The following CNTNAP5 variants were observed in gnomAD, a reference collection of about 807,000 sequenced individuals.
CNTNAP5 encodes contactin-associated protein-like 5.
A neutral mutation model predicts 150.2 loss-of-function variants in CNTNAP5; 72 were observed. The ratio of observed to expected loss-of-function variants is 0.48; its 90% CI spans 0.40 to 0.58. The LOEUF (loss-of-function observed/expected upper bound fraction) is 0.58, where lower values mean the gene tolerates loss of function less well. CNTNAP5 is among the 20% of genes least tolerant of loss of function. The probability of loss-of-function intolerance (pLI) is 0.00; values close to 1 mark genes in which losing one functional copy is unlikely to be tolerated. For synonymous variants in CNTNAP5, 672 were observed against 619.8 expected, an observed-to-expected ratio of 1.08 and a Z score of -1.25; for missense variants, 1,636 against 1,626.2, an observed-to-expected ratio of 1.01 and a Z score of -0.10.
intron 19 of CNTNAP5, among the ~76,000 whole-genome samples, chr2:124,830,159 C>T (rs555668269): frequency 6.6e-6 from 1 of 151,598 alleles, no homozygotes; most frequent in Admixed American, 6.6e-5. Flanking sequence ...ATATTTTAAT[C>T]AAAAAGACTT....
At chr2:124,642,189 C>A (rs566553972) in intron 12 of CNTNAP5, among the ~76,000 whole-genome samples, 8 of 152,260 alleles carry the variant, frequency 5.3e-5, no homozygotes, top group African/African-American at 1.9e-4. Context: ...GAAGATTTTA[C>A]CACACTGATG....
At chr2:124,594,775 A>G (rs1338860171) in intron 11 of CNTNAP5, among the ~76,000 whole-genome samples, 2 of 125,732 alleles carry the variant, frequency 1.6e-5, no homozygotes, top group East Asian at 6.6e-4. Context: ...ATGAGCATGG[A>G]ATGTTCTTCC....
At chr2:124,554,364 G>GT (rs1280429413) in intron 10 of CNTNAP5, among the ~76,000 whole-genome samples, 2 of 150,382 alleles carry the variant, frequency 1.3e-5, no homozygotes, top group Admixed American at 6.6e-5. Flanking sequence ...TCTTTCTTAG[G>GT]TTTTTTACTA....
At position 124,789,897 on chromosome 2, in the gene CNTNAP5, CT is replaced by C. The variant is rs1558776701; in HGVS notation, c.2753-3del. 4 of 1,612,994 alleles carry C rather than the reference CT, an allele frequency of 2.5e-6. No homozygotes were observed. The East Asian group carries it at 8.9e-5, about 36-fold the overall frequency. ...ACATTTGTTTCCTTTTATTTAACCTCTTAGGGGGAACGTCATCCAGACAGAA... is the reference window on the plus strand; with the variant it reads ...ACATTTGTTTCCTTTTATTTAACCTCTAGGGGGAACGTCATCCAGACAGAA... On this transcript the variant is annotated splice_polypyrimidine_tract_variant and splice_region_variant and intron_variant, in intron 17 of 23. Coordinates refer to ENST00000682447, the MANE Select transcript of CNTNAP5 (RefSeq NM_001367498.1).
chr2:124,215,709 A>G (rs1202780580), intron 1 of CNTNAP5, among the ~76,000 whole-genome samples: 7 of 135,012 alleles, frequency 5.2e-5, no homozygotes, highest in Non-Finnish European at 1.6e-5. Flanking sequence ...AATAGAAGAA[A>G]GGCAAAAAAA....
intron 12 of CNTNAP5, among the ~76,000 whole-genome samples, chr2:124,617,578 C>A (rs1224968586): frequency 1.3e-5 from 2 of 152,112 alleles, no homozygotes; most frequent in African/African-American, 4.8e-5. Flanking sequence ...ACCCTTCATA[C>A]TGGATTAAGC....
At chr2:124,594,706 G>C (rs1197805662) in intron 11 of CNTNAP5, among the ~76,000 whole-genome samples, 5 of 137,830 alleles carry the variant, frequency 3.6e-5, no homozygotes, top group African/African-American at 1.3e-4. Flanking sequence ...CAATGGCATT[G>C]AATCTGTAAA....
At position 124,577,193 on chromosome 2, in the gene CNTNAP5, C is replaced by T. The variant is rs575278347; in HGVS notation, c.1756+13870C>T. Among the ~76,000 whole-genome samples the T allele has an allele frequency of 2.8e-4, 43 of 152,276 alleles. 1 individual carries two copies. Among genetic ancestry groups the T allele is most frequent in the African/African-American group, 8.9e-4 (37 of 41,550 alleles). On this transcript the variant is annotated intron_variant, in intron 11 of 23. Coordinates refer to ENST00000682447, the MANE Select transcript of CNTNAP5 (RefSeq NM_001367498.1). Reference sequence around the variant, plus strand: ...CATTTTTTCCGCAGCACTATCATCACGTCTCAGTCGCTTGACATGAAGTAC... The same window carrying T: ...CATTTTTTCCGCAGCACTATCATCATGTCTCAGTCGCTTGACATGAAGTAC...
intron 20 of CNTNAP5, among the ~76,000 whole-genome samples, chr2:124,868,694 AG>A (rs1361285358): frequency 1.3e-5 from 2 of 152,052 alleles, no homozygotes; most frequent in African/African-American, 4.8e-5. Flanking sequence ...AGAACAGAGG[AG>A]GGTCGTTCTG....
intron 10 of CNTNAP5, among the ~76,000 whole-genome samples, chr2:124,554,706 G>A (rs1695711584): frequency 6.6e-6 from 1 of 152,130 alleles, no homozygotes; most frequent in Non-Finnish European, 1.5e-5. Context: ...ACAAGGGTGA[G>A]CCACTGAGCT....
intron 1 of CNTNAP5, among the ~76,000 whole-genome samples, chr2:124,030,793 C>T (rs1681027507): frequency 6.6e-6 from 1 of 152,122 alleles, no homozygotes; most frequent in Admixed American, 6.5e-5. Context: ...AGGGAAAGGA[C>T]ATAGCCTTGA....
chr2:124,628,149 A>T (rs1042656517), intron 12 of CNTNAP5, among the ~76,000 whole-genome samples: 1 of 152,236 alleles, frequency 6.6e-6, no homozygotes, highest in African/African-American at 2.4e-5. Context: ...ACTTCAGTGT[A>T]TCATCCGGGA....
At chr2:124,790,965 C>T (rs183918835) in intron 18 of CNTNAP5, among the ~76,000 whole-genome samples, 3 of 152,000 alleles carry the variant, frequency 2.0e-5, no homozygotes, top group South Asian at 2.1e-4. Flanking sequence ...ATTTTAAAGA[C>T]GGAAAAAGTT....
At position 124,453,735 on chromosome 2, in the gene CNTNAP5, C is replaced by T. The variant is rs539568887; in HGVS notation, c.918+6798C>T. 2.5e-3 allele frequency among the ~76,000 whole-genome samples: 376 copies of T among 152,272 alleles called. 1 individual carries two copies. Among genetic ancestry groups the T allele is most frequent in the Non-Finnish European group, 4.2e-3 (283 of 68,006 alleles). ...GGGATTGGGGCCTTATCTTCAACTT[C>T]CACAAACAAAACAATTATCAGCCAA... On this transcript the variant is annotated intron_variant, in intron 6 of 23. Transcript: ENST00000682447.
At chr2:124,796,898 A>G in intron 18 of CNTNAP5, among the ~76,000 whole-genome samples, 1 of 152,228 alleles carries the variant, frequency 6.6e-6, no homozygotes, top group Non-Finnish European at 1.5e-5. Context: ...CTGTTACTGT[A>G]TAGAGATAAA....
At position 124,359,144 on chromosome 2, in the gene CNTNAP5, G is replaced by T. The variant is rs945474671; in HGVS notation, c.382-58299G>T. Among the ~76,000 whole-genome samples, 8 of 152,048 alleles carry T rather than the reference G, an allele frequency of 5.3e-5. No homozygotes were observed. In the East Asian group the frequency reaches 5.8e-4, roughly 11 times the overall value. On this transcript the variant is annotated intron_variant, in intron 3 of 23. Coordinates refer to ENST00000682447, the MANE Select transcript of CNTNAP5 (RefSeq NM_001367498.1). The stretch of plus-strand genomic sequence containing the variant: ...TAGTTTGCATTTCTGTGGGATCGGC[G>T]GTGATATCCCCTTTATCATTTTTTA...
intron 3 of CNTNAP5, among the ~76,000 whole-genome samples, chr2:124,337,978 T>C (rs933582080): frequency 1.3e-5 from 2 of 152,216 alleles, no homozygotes; most frequent in Non-Finnish European, 2.9e-5. Flanking sequence ...TTTCATGATA[T>C]TGATTCTTCC....
chr2:124,426,561 T>G (rs77860887), intron 4 of CNTNAP5, among the ~76,000 whole-genome samples: 1 of 152,226 alleles, frequency 6.6e-6, no homozygotes, highest in Non-Finnish European at 1.5e-5. Context: ...GTGGGACTGA[T>G]TGTCTCAGGG....
intron 12 of CNTNAP5, among the ~76,000 whole-genome samples, chr2:124,647,178 A>T (rs943727454): frequency 6.6e-6 from 1 of 152,170 alleles, no homozygotes; most frequent in Admixed American, 6.5e-5. Flanking sequence ...AATCTTCCCA[A>T]ATATTTTTGG....
Sources: allele counts gnomAD v4.1 joint callset (sites outside exome capture counted in the v4.1 genomes callset), GRCh38; gene constraint gnomAD v4.1.1; transcripts MANE v1.5; gene names NCBI Gene and HGNC (gene_info 2026-07-23, HGNC 2026-07-21).